The following GSE1 variants were observed in gnomAD, a reference collection of about 807,000 sequenced individuals.
The protein encoded by GSE1 is genetic suppressor element 1.
In GSE1, 32 loss-of-function variants were observed where a neutral mutation model predicts 112.6. That is an observed-to-expected ratio of 0.28 (90% CI 0.21 to 0.38). The LOEUF (loss-of-function observed/expected upper bound fraction) is 0.38. Among genes scored for constraint, GSE1 ranks in the 10% least tolerant of loss-of-function variants. GSE1 has a pLI of 1.00. For missense variants in GSE1, 2,348 were observed against 1,699.2 expected, an observed-to-expected ratio of 1.38 and a Z score of -6.71; for synonymous variants, 1,115 against 735.6, an observed-to-expected ratio of 1.52 and a Z score of -8.35.
intron 1 of GSE1, among the ~76,000 whole-genome samples, chr16:85,256,485 T>A (rs1413291579): frequency 2.0e-5 from 3 of 152,208 alleles, no homozygotes; most frequent in Non-Finnish European, 4.4e-5. Context: ...GTAGCTGAGG[T>A]GTGATGTGGC....
chr16:85,279,491 C>T (rs1433620335), intron 1 of GSE1, among the ~76,000 whole-genome samples: 2 of 122,910 alleles, frequency 1.6e-5, no homozygotes, highest in African/African-American at 5.3e-5. Flanking sequence ...CCTGTGTTCC[C>T]AGCCACTCAA....
chr16:85,308,618 T>C (rs1356094681), intron 1 of GSE1, among the ~76,000 whole-genome samples: 3 of 152,110 alleles, frequency 2.0e-5, no homozygotes, highest in Non-Finnish European at 2.9e-5. Context: ...AGAAAGATTT[T>C]CAACAGGGAA....
At chr16:85,361,589 G>T (rs1207197898) in intron 2 of GSE1, among the ~76,000 whole-genome samples, 1 of 152,248 alleles carries the variant, frequency 6.6e-6, no homozygotes, top group Non-Finnish European at 1.5e-5. Context: ...CAGCAGTGGG[G>T]GTGGCCAGGG....
At chr16:85,420,932 CCTGCAGGGGGCGCGCTGCAGTCGGG>C (rs1369942684) in intron 2 of GSE1, among the ~76,000 whole-genome samples, 1 of 152,174 alleles carries the variant, frequency 6.6e-6, no homozygotes, top group Non-Finnish European at 1.5e-5. Context: ...ACCGCGCTGT[CCTGCAGGGGGCGCGCTGCAGTCGGG>C]CTGCAGCGTC....
intron 2 of GSE1, among the ~76,000 whole-genome samples, chr16:85,538,132 G>T (rs2044395518): frequency 6.6e-6 from 1 of 152,250 alleles, no homozygotes; most frequent in Non-Finnish European, 1.5e-5. Context: ...AGAAGGGGAG[G>T]GGAGAAGAGA....
At chr16:85,359,629 T>TC (rs770465451) in intron 2 of GSE1, among the ~76,000 whole-genome samples, 8 of 152,214 alleles carry the variant, frequency 5.3e-5, no homozygotes, top group Non-Finnish European at 1.2e-4. Flanking sequence ...TCTGCCTTTT[T>TC]CCCACTCATG....
In GSE1 at chr16:85,274,023, A is replaced by G. The variant is rs117443007; in HGVS notation, c.2284-83440A>G. 7.0e-3 allele frequency among the ~76,000 whole-genome samples: 1,053 copies of G among 151,134 alleles called. 38 individuals carry two copies. Among genetic ancestry groups the G allele is most frequent in the East Asian group, 0.065 (335 of 5,116 alleles). On this transcript the variant is annotated intron_variant, in intron 1 of 2. Coordinates refer to the GSE1 transcript ENST00000637419. ...GGGTCTCTTTTTGGGGTGATGAAAA[A>G]GTTCTGGAAGTAGATAGAGGTAGTG... is the stretch of plus-strand genomic sequence containing the variant.
chr16:85,664,006 G>A (rs1295277625), intron 11 of GSE1, among the ~76,000 whole-genome samples: 43 of 152,392 alleles, frequency 2.8e-4, no homozygotes. Flanking sequence ...TGGGTGTTGT[G>A]TCCTGGTGGC....
At chr16:85,665,728 C>T (rs1027874616) in intron 12 of GSE1, among the ~76,000 whole-genome samples, 2 of 152,230 alleles carry the variant, frequency 1.3e-5, no homozygotes, top group African/African-American at 2.4e-5. Context: ...GGCTGGGGGA[C>T]TTCCTTCTTC....
intron 1 of GSE1, among the ~76,000 whole-genome samples, chr16:85,617,364 C>T (rs948385567): frequency 6.6e-6 from 1 of 152,198 alleles, no homozygotes; most frequent in African/African-American, 2.4e-5. Flanking sequence ...TACCAGTCAT[C>T]TGTGGAAAGA....
At chr16:85,617,921 G>A (rs1457774164) in intron 1 of GSE1, among the ~76,000 whole-genome samples, 7 of 152,288 alleles carry the variant, frequency 4.6e-5, no homozygotes, top group South Asian at 4.1e-4. Context: ...CACCTCCCCC[G>A]CAGGACGGCG....
chr16:85,232,707 T>C (rs1904300294), intron 1 of GSE1, among the ~76,000 whole-genome samples: 1 of 152,238 alleles, frequency 6.6e-6, no homozygotes, highest in Non-Finnish European at 1.5e-5. Flanking sequence ...CTCCTGCCAC[T>C]GTATGTGGCT....
chr16:85,620,958 T>G (rs2048697153), intron 1 of GSE1, among the ~76,000 whole-genome samples: 1 of 151,260 alleles, frequency 6.6e-6, no homozygotes, highest in Non-Finnish European at 1.5e-5. Flanking sequence ...TCTGCTGTGT[T>G]GGGGAACCCG....
chr16:85,587,993 C>T (rs918084511), intron 1 of GSE1, among the ~76,000 whole-genome samples: 2 of 152,136 alleles, frequency 1.3e-5, no homozygotes, highest in Admixed American at 1.3e-4. Context: ...CGTAATTGGT[C>T]ACCTGGCTGT....
chr16:85,250,477 C>A (rs989496292), intron 1 of GSE1, among the ~76,000 whole-genome samples: 1 of 152,190 alleles, frequency 6.6e-6, no homozygotes, highest in Non-Finnish European at 1.5e-5. Context: ...CAGGCCTCCC[C>A]CGACCCCCTA....
intron 2 of GSE1, among the ~76,000 whole-genome samples, chr16:85,409,626 CGTT>C: frequency 1.2e-4 from 1 of 8,468 alleles, no homozygotes; most frequent in African/African-American, 1.6e-4. Flanking sequence ...TAATCCTCAC[CGTT>C]ACACTCAGGG....
At chr16:85,650,279 G>A (rs982621483) in intron 3 of GSE1, among the ~76,000 whole-genome samples, 5 of 151,670 alleles carry the variant, frequency 3.3e-5, no homozygotes, top group Non-Finnish European at 5.9e-5. Flanking sequence ...TCCAGAGGCC[G>A]CCCCCCAGGG....
chr16:85,221,937 C>A (rs185852532), intron 1 of GSE1, among the ~76,000 whole-genome samples: 6 of 152,174 alleles, frequency 3.9e-5, no homozygotes, highest in Admixed American at 3.9e-4. Flanking sequence ...CTGCCCCTCC[C>A]GGTCCCCGCC....
upstream of GSE1, among the ~76,000 whole-genome samples, chr16:85,611,865 G>C (rs1044044313): frequency 5.9e-5 from 9 of 151,928 alleles, no homozygotes; most frequent in African/African-American, 2.2e-4. Context: ...CGCGGGGAGG[G>C]GGAGGGAGGA....
Sources: allele counts gnomAD v4.1 joint callset (sites outside exome capture counted in the v4.1 genomes callset), GRCh38; gene constraint gnomAD v4.1.1; transcripts MANE v1.5; gene names NCBI Gene and HGNC (gene_info 2026-07-23, HGNC 2026-07-21).